The following GSDMC variants were observed in gnomAD, a reference collection of about 807,000 sequenced individuals.
GSDMC encodes gasdermin C, also known as gasdermin-C.
GSDMC carries 59 observed loss-of-function variants against 58.0 expected under a neutral mutation model. That is an observed-to-expected ratio of 1.02 (90% CI 0.82 to 1.26). GSDMC has a LOEUF of 1.26. Ranked by LOEUF, GSDMC falls within the 50% of genes most tolerant of loss-of-function variation. The pLI, the probability that GSDMC is intolerant of heterozygous loss-of-function variation, is 0.00. For synonymous variants in GSDMC, 241 were observed against 220.2 expected, an observed-to-expected ratio of 1.09 and a Z score of -0.83; for missense variants, 659 against 598.5, an observed-to-expected ratio of 1.10 and a Z score of -1.06.
intron 4 of GSDMC, among the ~76,000 whole-genome samples, chr8:129,765,377 A>T (rs1167864100): frequency 6.6e-6 from 1 of 152,194 alleles, no homozygotes; most frequent in Non-Finnish European, 1.5e-5. Context: ...ACAATACTAA[A>T]TAATTAAATA....
chr8:129,707,901 T>C, the GSDMC span, among the ~76,000 whole-genome samples: 1 of 152,238 alleles, frequency 6.6e-6, no homozygotes, highest in African/African-American at 2.4e-5. Context: ...TGCCATTGCT[T>C]TCTTTTCGCA....
chr8:129,776,643 A>T (rs977839609), intron 2 of GSDMC, among the ~76,000 whole-genome samples: 3 of 152,352 alleles, frequency 2.0e-5, no homozygotes, highest in Middle Eastern at 3.4e-3. Context: ...ACACAGGGGC[A>T]GAAAATGTTT....
the GSDMC span, among the ~76,000 whole-genome samples, chr8:129,718,567 C>CTT: frequency 5.3e-5 from 8 of 152,170 alleles, no homozygotes; most frequent in Non-Finnish European, 1.0e-4. Context: ...AATTGTAACG[C>CTT]TTTTACACTG....
the GSDMC span, among the ~76,000 whole-genome samples, chr8:129,710,506 T>C: frequency 1.2e-4 from 19 of 152,190 alleles, 1 homozygote; most frequent in Admixed American, 1.2e-3. Context: ...TTCAGAGTCA[T>C]CAGCTCAAAG....
At chr8:129,738,426 C>T in the GSDMC span, among the ~76,000 whole-genome samples, 1 of 152,166 alleles carries the variant, frequency 6.6e-6, no homozygotes, top group Non-Finnish European at 1.5e-5. Context: ...CAATGATAGA[C>T]TGGATTAAGA....
At chr8:129,752,344 C>T (rs1246450705) in intron 7 of GSDMC, among the ~76,000 whole-genome samples, 197 bp from the exon 8 acceptor site, 1 of 152,198 alleles carries the variant, frequency 6.6e-6, no homozygotes. Flanking sequence ...CAGACTCACA[C>T]CTATCCCAAT....
the GSDMC span, among the ~76,000 whole-genome samples, chr8:129,716,945 G>T: frequency 6.6e-6 from 1 of 152,148 alleles, no homozygotes; most frequent in Non-Finnish European, 1.5e-5. Flanking sequence ...GTTGAAGCAG[G>T]CTTGCATCCC....
Position 129,750,528 on chromosome 8 carries a change from G to A in GSDMC, c.986C>T (p.Thr329Ile). Reference protein sequence around the residue: ...LQEEVFQKIKTLAQLSKDVQD... With the variant: ...LQEEVFQKIKILAQLSKDVQD... ...AACATCCTTTGAGAGCTGAGCCAGT[G>A]TCTTTATTTTCTGGAAAACCTCCTC... Residue 329 changes from threonine to isoleucine, a missense_variant, in exon 11 of 14, where the codon ACA becomes ATA. Coordinates refer to ENST00000276708, the MANE Select transcript of GSDMC (RefSeq NM_031415.3). The A allele has an allele frequency of 6.2e-7, 1 of 1,613,808 alleles. No individual in the cohort carries two copies. Among genetic ancestry groups the A allele is most frequent in the Non-Finnish European group, 8.5e-7 (1 of 1,179,708 alleles).
At chr8:129,773,271 G>C (rs1038320848) in intron 3 of GSDMC, among the ~76,000 whole-genome samples, 39 of 152,222 alleles carry the variant, frequency 2.6e-4, no homozygotes, top group African/African-American at 9.1e-4. Context: ...ATGCTTGCCA[G>C]TGAAATTAGG....
In GSDMC at chr8:129,786,261, G is replaced by A. The variant is rs528384066; in HGVS notation, c.-255C>T. ...GGCAGAGAACTGCTTGAACCCGGGAGGCAGAGGTTGCAGTGAGCTGAGACC... is the reference window on the plus strand; with the variant it reads ...GGCAGAGAACTGCTTGAACCCGGGAAGCAGAGGTTGCAGTGAGCTGAGACC... On this transcript the variant is annotated 5_prime_UTR_variant, in exon 1 of 14. Transcript: ENST00000276708. 3.3e-5 allele frequency: 5 copies of A among 152,172 alleles called. No individual in the cohort carries two copies. The highest frequency in any genetic ancestry group is 2.0e-4 in the Admixed American group (3 of 15,258). 9.4% of individuals were successfully genotyped at this position (152,172 alleles called of 1,614,324 possible). A position where few individuals can be genotyped will look rare whatever the true frequency, so the allele number is the denominator to read the frequency against.
At chr8:129,745,032 C>T (rs1197965128), downstream of GSDMC, among the ~76,000 whole-genome samples, 1 of 152,154 alleles carries the variant, frequency 6.6e-6, no homozygotes, top group African/African-American at 2.4e-5. Flanking sequence ...GGGTTGCCTA[C>T]CCTGACTGTC....
intron 3 of GSDMC, among the ~76,000 whole-genome samples, chr8:129,767,149 A>G (rs1262698963): frequency 2.6e-5 from 4 of 152,152 alleles, no homozygotes; most frequent in Non-Finnish European, 5.9e-5. Flanking sequence ...TCAGCCTCAG[A>G]GCCCAACCTA....
intron 1 of GSDMC, among the ~76,000 whole-genome samples, chr8:129,782,326 A>C (rs910387968): frequency 6.6e-6 from 1 of 152,158 alleles, no homozygotes; most frequent in Non-Finnish European, 1.5e-5. Context: ...AGAGCAGCCC[A>C]AACCCAAAAT....
chr8:129,724,938 G>T, the GSDMC span, among the ~76,000 whole-genome samples: 1 of 152,314 alleles, frequency 6.6e-6, no homozygotes, highest in African/African-American at 2.4e-5. Flanking sequence ...GAGGGACTAA[G>T]ATCTCAAGCT....
chr8:129,733,746 A>G, the GSDMC span, among the ~76,000 whole-genome samples: 2 of 150,890 alleles, frequency 1.3e-5, no homozygotes, highest in African/African-American at 4.9e-5. Context: ...AAATTCTAAA[A>G]ACCAGAGCGC....
chr8:129,777,687 C>A, intron 1 of GSDMC, 96 bp from the exon 2 acceptor site: 1 of 718,964 alleles, frequency 1.4e-6, no homozygotes, highest in Non-Finnish European at 2.5e-6. Context: ...AAAAGATCTA[C>A]ATATGAGATT....
chr8:129,754,884 T>C (rs1008797464), intron 6 of GSDMC, among the ~76,000 whole-genome samples: 4 of 152,122 alleles, frequency 2.6e-5, no homozygotes, highest in African/African-American at 7.2e-5. Context: ...ATTAGTGAGC[T>C]TGAAGACAGC....
Position 129,749,536 on chromosome 8 carries a change from G to T in GSDMC, c.1214-11C>A. The T allele has an allele frequency of 6.2e-7, 1 of 1,604,764 alleles. No individual in the cohort carries two copies. Among genetic ancestry groups the T allele is most frequent in the Non-Finnish European group, 8.5e-7 (1 of 1,171,646 alleles). ...GGAAGTCACTCAGCACTGAGGGTGG[G>T]GGACATGTGGGGAAAGACAGTAGTG... On this transcript the variant is annotated splice_polypyrimidine_tract_variant and intron_variant, in intron 12 of 13. Coordinates refer to ENST00000276708, the MANE Select transcript of GSDMC (RefSeq NM_031415.3).
intron 1 of GSDMC, among the ~76,000 whole-genome samples, chr8:129,780,693 C>T (rs2034377944): frequency 6.6e-6 from 1 of 152,122 alleles, no homozygotes; most frequent in South Asian, 2.1e-4. Context: ...AAGAAGAAAT[C>T]ATCTGAAGGT....
Sources: allele counts gnomAD v4.1 joint callset (sites outside exome capture counted in the v4.1 genomes callset), GRCh38; gene constraint gnomAD v4.1.1; transcripts MANE v1.5; gene names NCBI Gene and HGNC (gene_info 2026-07-23, HGNC 2026-07-21).